EFCAB8: variants seen among roughly 807,000 people sequenced by gnomAD.
EFCAB8 encodes EF-hand calcium binding domain 8.
A neutral mutation model predicts 116.3 loss-of-function variants in EFCAB8; 100 were observed. That is an observed-to-expected ratio of 0.86 (90% CI 0.73 to 1.02). The LOEUF is 1.02. Ranked by LOEUF, EFCAB8 falls within the 50% of genes least tolerant of loss-of-function variation. The pLI, the probability that EFCAB8 is intolerant of heterozygous loss-of-function variation, is 0.00. For synonymous variants in EFCAB8, 558 were observed against 567.9 expected (o/e 0.98, Z 0.25); for missense variants, 1,320 against 1,416.9 (o/e 0.93, Z 1.10).
intron 22 of EFCAB8, among the ~76,000 whole-genome samples, chr20:32,943,027 C>T (rs1988453890): frequency 1.3e-5 from 2 of 152,120 alleles, no homozygotes; most frequent in Admixed American, 1.3e-4. Flanking sequence ...AATAAGTCCT[C>T]CTTTATTAAT....
At position 32,911,566 on chromosome 20, in the gene EFCAB8, C is replaced by A; in HGVS notation, c.1644C>A (p.Gly548=). The change falls in exon 16 of 27, where the codon GGC becomes GGA. Residue 548 remains glycine (G), a synonymous_variant. Coordinates refer to ENST00000400522, the MANE Select transcript of EFCAB8 (RefSeq NM_001143967.2). ...RKTMEFAVSG[G]QHVEMTAMAL... ...CGATGGAGTTTGCTGTGTCTGGGGGCCAGCACGTGGAGATGACCGCCATGG... is the reference window on the plus strand; with the variant it reads ...CGATGGAGTTTGCTGTGTCTGGGGGACAGCACGTGGAGATGACCGCCATGG... 1.3e-6 allele frequency: 2 copies of A among 1,544,472 alleles called. No individual in the cohort carries two copies. The highest frequency in any genetic ancestry group is 8.8e-7 in the Non-Finnish European group (1 of 1,142,240).
In EFCAB8 at chr20:32,898,549, A is replaced by T. The variant is rs367800767; in HGVS notation, c.1014A>T (p.Val338=). ...QVKFIPQMNV[V]VSCSAIEKSS... ...AGTTCATCCCCCAGATGAATGTGGT[A>T]GTCTCCTGTTCAGCCATCGAGAAGT... is the stretch of plus-strand genomic sequence containing the variant. The change falls in exon 11 of 27, where the codon GTA becomes GTT. Residue 338 remains valine, a synonymous_variant. Transcript: ENST00000400522. The T allele has an allele frequency of 5.7e-4, 412 of 718,632 alleles. 1 individual carries two copies. The African/African-American group carries it at 6.3e-3, about 11-fold the overall frequency. The allele number at this position is 718,632 out of a possible 1,614,324, so 44.5% of individuals were successfully genotyped here.
At chr20:32,911,070 A>T (rs1312314075) in intron 15 of EFCAB8, among the ~76,000 whole-genome samples, 1 of 152,192 alleles carries the variant, frequency 6.6e-6, no homozygotes, top group Non-Finnish European at 1.5e-5. Context: ...AACAATGGTC[A>T]TGGTGGCAAA....
In EFCAB8 at chr20:32,908,313, C is replaced by G. The variant is rs1986772145; in HGVS notation, c.1347C>G (p.Leu449=). The change falls in exon 14 of 27, where the codon CTC becomes CTG. Residue 449 remains leucine (L), a synonymous_variant. Transcript: ENST00000400522. Reference sequence around the variant, plus strand: ...GGGACATGCTGGACTACATATGCCTCCAGTCCTTCTGTGGGAAGTTTTTTG... The same window carrying G: ...GGGACATGCTGGACTACATATGCCTGCAGTCCTTCTGTGGGAAGTTTTTTG... ...RVWDMLDYIC[L]QSFCGKFFAL... The G allele has an allele frequency of 8.0e-7, 1 of 1,249,970 alleles. No individual in the cohort carries two copies. Among genetic ancestry groups the G allele is most frequent in the Non-Finnish European group, 1.0e-6 (1 of 988,264 alleles). The allele number at this position is 1,249,970 out of a possible 1,614,324, so 77.4% of individuals were successfully genotyped here.
intron 22 of EFCAB8, among the ~76,000 whole-genome samples, chr20:32,941,573 T>C (rs1988409244): frequency 6.6e-6 from 1 of 152,146 alleles, no homozygotes; most frequent in African/African-American, 2.4e-5. Flanking sequence ...ACAACATGGA[T>C]GAACCTTGAA....
rs1240705890 is a variant in EFCAB8 at position 32,929,485 on chromosome 20, C to T, written c.2413-913C>T. ...CCCTCCCCTCCCCTCCCCTCCCCTC[C>T]GCTTCTCTTCCCTTCTGTTTTTTTT... On this transcript the variant is annotated intron_variant, in intron 20 of 26. Transcript: ENST00000400522. Among the ~76,000 whole-genome samples the T allele has an allele frequency of 1.4e-4, 20 of 146,040 alleles. No individual in the cohort carries two copies. In the East Asian group the frequency reaches 2.0e-3, roughly 14 times the overall value.
intron 10 of EFCAB8, among the ~76,000 whole-genome samples, chr20:32,898,166 C>T (rs1412899946): frequency 6.6e-6 from 1 of 152,186 alleles, no homozygotes; most frequent in East Asian, 1.9e-4. Context: ...TAGATTGTGG[C>T]CTGGACAGAC....
rs1338656933 is a variant in EFCAB8, at chr20:32,917,525, C to T, written c.2061+20C>T. ...AAGAGGGTATGTTAACAGGAGCACA[C>T]TCTCCTCCCACCCTTCTCTCAGCTG... On this transcript the variant is annotated intron_variant, in intron 18 of 26. Transcript: ENST00000400522. 3.9e-6 allele frequency: 6 copies of T among 1,547,844 alleles called. No individual in the cohort carries two copies. Among genetic ancestry groups the T allele is most frequent in the Non-Finnish European group, 5.2e-6 (6 of 1,144,334 alleles).
At position 32,892,743 on chromosome 20, in the gene EFCAB8, G is replaced by A. The variant is rs540046412; in HGVS notation, c.759-431G>A. Among the ~76,000 whole-genome samples the A allele has an allele frequency of 4.6e-5, 7 of 152,170 alleles. 1 individual carries two copies. Among genetic ancestry groups the A allele is most frequent in the Admixed American group, 2.6e-4 (4 of 15,268 alleles). The stretch of plus-strand genomic sequence containing the variant: ...TTGGCTCCTCAGGTGTCTGGGCAAG[G>A]CCGGAAAGTGTTGTTGGAACTGCCC... On this transcript the variant is annotated intron_variant, in intron 8 of 26. Transcript: ENST00000400522.
At chr20:32,917,580 TGGGGA>T in intron 18 of EFCAB8, 75 bp downstream of exon 18, 2 of 439,120 alleles carry the variant, frequency 4.6e-6, no homozygotes, top group Non-Finnish European at 9.3e-6. Context: ...GCAGGGAGGG[TGGGGA>T]GCACCCTGGG....
chr20:32,917,014 C>G lies in EFCAB8; in HGVS notation c.1857-287C>G, dbSNP rs375245135. The G allele has an allele frequency of 5.5e-4, 200 of 364,440 alleles. 3 individuals carry two copies. In the East Asian group the frequency reaches 7.8e-3, roughly 14 times the overall value. The allele number at this position is 364,440 out of a possible 1,614,324, so 22.6% of individuals were successfully genotyped here. A position where few individuals can be genotyped will look rare whatever the true frequency, so the allele number is the denominator to read the frequency against. ...TCTGTAAGGCCACAATGTCCCCCCCCCTTTAAACCTTAATCCTTACCTAGG... is the reference window on the plus strand; with the variant it reads ...TCTGTAAGGCCACAATGTCCCCCCCGCTTTAAACCTTAATCCTTACCTAGG... On this transcript the variant is annotated intron_variant, in intron 17 of 26. Transcript: ENST00000400522.
At chr20:32,951,777 A>C (rs1400262237) in intron 23 of EFCAB8, among the ~76,000 whole-genome samples, 1 of 152,168 alleles carries the variant, frequency 6.6e-6, no homozygotes, top group Non-Finnish European at 1.5e-5. Context: ...TGCACTTATT[A>C]GTTATCCATA....
At chr20:32,954,604 CAA>C (rs1213505575) in intron 23 of EFCAB8, among the ~76,000 whole-genome samples, 1 of 152,150 alleles carries the variant, frequency 6.6e-6, no homozygotes, top group Non-Finnish European at 1.5e-5. Flanking sequence ...ATTAAAATTA[CAA>C]AGATATTCTC....
intron 3 of EFCAB8, among the ~76,000 whole-genome samples, chr20:32,874,919 T>C (rs1393172581): frequency 1.3e-5 from 2 of 152,048 alleles, no homozygotes; most frequent in Non-Finnish European, 2.9e-5. Context: ...GCTAACTTTT[T>C]GTATTTTTTA....
chr20:32,861,680 C>T (rs1984122650), intron 1 of EFCAB8, among the ~76,000 whole-genome samples: 2 of 152,198 alleles, frequency 1.3e-5, no homozygotes, highest in African/African-American at 4.8e-5. Flanking sequence ...GGGAGGATCA[C>T]CTGAGCCCAG....
intron 16 of EFCAB8, among the ~76,000 whole-genome samples, chr20:32,912,430 C>CA (rs762528188): frequency 0.25 from 19,925 of 81,172 alleles, 1,918 homozygotes; most frequent in Non-Finnish European, 0.29. Context: ...GAAACTCTGT[C>CA]AAAAAAAAAA....
intron 22 of EFCAB8, among the ~76,000 whole-genome samples, chr20:32,935,176 C>CT (rs1169992860): frequency 1.3e-5 from 1 of 77,304 alleles, no homozygotes; most frequent in African/African-American, 6.0e-5. Context: ...CTTCTCTTTT[C>CT]TTTCTTTCTT....
chr20:32,890,425 C>T (rs1191285033), intron 7 of EFCAB8, among the ~76,000 whole-genome samples: 2 of 152,240 alleles, frequency 1.3e-5, no homozygotes, highest in Non-Finnish European at 2.9e-5. Context: ...CCTTCAAGGT[C>T]CCCTTTCAGT....
At chr20:32,925,644 C>T (rs1296479340) in intron 20 of EFCAB8, among the ~76,000 whole-genome samples, 1 of 152,234 alleles carries the variant, frequency 6.6e-6, no homozygotes, top group Admixed American at 6.5e-5. Flanking sequence ...TGAGCCACGG[C>T]GCCCAGCCCC....
Sources: gnomAD v4.1 joint callset for allele counts (sites outside exome capture counted in the v4.1 genomes callset) on GRCh38, gnomAD v4.1.1 for gene constraint, MANE v1.5 for transcripts, NCBI Gene and HGNC (gene_info 2026-07-23, HGNC 2026-07-21) for gene names.